PCDHGA1: variants seen among roughly 807,000 people sequenced by gnomAD.
PCDHGA1 encodes protocadherin gamma-A1.
PCDHGA1 carries 32 observed loss-of-function variants against 58.0 expected under a neutral mutation model. The ratio of observed to expected loss-of-function variants is 0.55; its 90% CI spans 0.42 to 0.74. PCDHGA1 has a LOEUF of 0.74. Among genes scored for constraint, PCDHGA1 ranks in the 30% least tolerant of loss-of-function variants. The pLI is 0.00. For synonymous variants in PCDHGA1, 498 were observed against 501.1 expected (o/e 0.99, Z 0.08); for missense variants, 1,205 against 1,182.3 (o/e 1.02, Z -0.28).
chr5:141,417,211 T>C (rs1027777607), intron 1 of PCDHGA1: 1 of 152,174 alleles, frequency 6.6e-6, no homozygotes, highest in Admixed American at 6.5e-5. Context: ...TAGGCTAGAA[T>C]TGAAGACAAA....
At chr5:141,384,677 C>A in intron 1 of PCDHGA1, 3 of 1,614,188 alleles carry the variant, frequency 1.9e-6, no homozygotes, top group Non-Finnish European at 2.5e-6. Context: ...AAGGTGGTGG[C>A]GGTGGACAAA....
At chr5:141,409,438 A>C (rs1459982502) in intron 1 of PCDHGA1, 1 of 1,613,866 alleles carries the variant, frequency 6.2e-7, no homozygotes, top group Non-Finnish European at 8.5e-7. Context: ...CCCTGGACCG[A>C]GAGCAGACAC....
chr5:141,490,476 G>A lies in PCDHGA1; in HGVS notation c.2422-4331G>A. 1 of 1,614,208 alleles carries A rather than the reference G, an allele frequency of 6.2e-7. No homozygotes were observed. The highest frequency in any genetic ancestry group is 8.5e-7 in the Non-Finnish European group (1 of 1,180,046). On this transcript the variant is annotated intron_variant, in intron 1 of 3. Transcript: ENST00000517417. The surrounding 1 kb of genome is among the most constrained non-coding windows in gnomAD (Gnocchi z 5.4). ...ACTCGCTGCTAACCAGCCAGCCTTT[G>A]GACCGGGAGGCCACATCCCACTATA...
intron 1 of PCDHGA1, among the ~76,000 whole-genome samples, chr5:141,349,076 A>G (rs1588475545): frequency 6.6e-6 from 1 of 152,036 alleles, no homozygotes; most frequent in East Asian, 1.9e-4. Context: ...TTGGCATTAT[A>G]GAGAATGTTT....
At position 141,420,090 on chromosome 5, in the gene PCDHGA1, G is replaced by A. The variant is rs779478924; in HGVS notation, c.2422-74717G>A. 4.2e-5 allele frequency: 68 copies of A among 1,613,932 alleles called. No individual in the cohort carries two copies. Among genetic ancestry groups the A allele is most frequent in the Non-Finnish European group, 5.7e-5 (67 of 1,179,886 alleles). On this transcript the variant is annotated intron_variant, in intron 1 of 3. Coordinates refer to ENST00000517417, the MANE Select transcript of PCDHGA1 (RefSeq NM_018912.3). ...GGACCTGTGGGTCCCCCCAACTACA[G>A]TGAGGGAACGTTGCCCTATGCCTAT...
rs961891623 is a variant in PCDHGA1 at position 141,487,938 on chromosome 5, GC to G, written c.2422-6868del. The G allele has an allele frequency of 2.8e-5, 17 of 600,188 alleles. No homozygotes were observed. The highest frequency in any genetic ancestry group is 4.7e-5 in the Non-Finnish European group (16 of 342,978). 37.2% of individuals were successfully genotyped at this position (600,188 alleles called of 1,614,324 possible). ...GAGGCTACAGTGCACAGGGTACAGTGCACCAGGCAGTCACTTGGACAAAGGT... is the reference window on the plus strand; with the variant it reads ...GAGGCTACAGTGCACAGGGTACAGTGACCAGGCAGTCACTTGGACAAAGGT... On this transcript the variant is annotated intron_variant, in intron 1 of 3. Coordinates refer to ENST00000517417, the MANE Select transcript of PCDHGA1 (RefSeq NM_018912.3). The surrounding 1 kb of genome is among the most constrained non-coding windows in gnomAD (Gnocchi z 5.0).
rs746838072 is a variant in PCDHGA1 at position 141,486,116 on chromosome 5, T to A, written c.2422-8691T>A. ...GCCCCTAGACTTTGAGAGTGAGAATTACTATGAATTTGATGTGCGGGCTCG... is the reference window on the plus strand; with the variant it reads ...GCCCCTAGACTTTGAGAGTGAGAATAACTATGAATTTGATGTGCGGGCTCG... On this transcript the variant is annotated intron_variant, in intron 1 of 3. Coordinates refer to ENST00000517417, the MANE Select transcript of PCDHGA1 (RefSeq NM_018912.3). This position sits in a 1 kb window ranked among gnomAD's most constrained non-coding sequence, Gnocchi z 5.0. 1.1e-5 allele frequency: 17 copies of A among 1,613,638 alleles called. No homozygotes were observed. Among genetic ancestry groups the A allele is most frequent in the Non-Finnish European group, 1.4e-5 (17 of 1,179,610 alleles).
chr5:141,494,950 A>T, intron 2 of PCDHGA1, 85 bp downstream of exon 2: 2 of 1,607,070 alleles, frequency 1.2e-6, no homozygotes, highest in African/African-American at 2.7e-5. Context: ...AGGGCCCAGC[A>T]TTTGCTACAG....
At chr5:141,408,045 A>G (rs544263424) in intron 1 of PCDHGA1, 8 of 1,236,658 alleles carry the variant, frequency 6.5e-6, no homozygotes, top group Admixed American at 3.0e-5. Flanking sequence ...CAGCTCCCAC[A>G]CAGAGCCTCC....
chr5:141,375,212 G>T (rs757227553), intron 1 of PCDHGA1: 1 of 1,613,944 alleles, frequency 6.2e-7, no homozygotes, highest in Admixed American at 1.7e-5. Flanking sequence ...TCGAGACTCT[G>T]GCCTGAATGG....
At chr5:141,466,450 G>T (rs139024933) in intron 1 of PCDHGA1, among the ~76,000 whole-genome samples, 1 of 152,172 alleles carries the variant, frequency 6.6e-6, no homozygotes, top group Non-Finnish European at 1.5e-5. Context: ...TGTCTATGGT[G>T]TTGGCTATTG....
rs1415575210 is a variant in PCDHGA1 at position 141,332,026 on chromosome 5, A to G, written c.1342A>G (p.Asn448Asp). The part of the protein sequence containing the change: ...ISLLVTDIND[N>D]SPVFHQDSYS... ...ACTACTAGTGACAGATATCAATGACAACTCCCCAGTCTTCCATCAGGACTC... is the reference window on the plus strand; with the variant it reads ...ACTACTAGTGACAGATATCAATGACGACTCCCCAGTCTTCCATCAGGACTC... The change falls in exon 1 of 4, where the codon AAC (asparagine) becomes GAC (aspartate). Residue 448 changes from asparagine (N) to aspartate (D), a missense_variant. Asn to Asp is a conservative substitution (Grantham distance 23). Transcript: ENST00000517417. This position sits in a 1 kb window ranked among gnomAD's most constrained non-coding sequence, Gnocchi z 4.6. The G allele has an allele frequency of 6.2e-7, 1 of 1,613,974 alleles. No individual in the cohort carries two copies. Among genetic ancestry groups the G allele is most frequent in the Non-Finnish European group, 8.5e-7 (1 of 1,180,022 alleles).
chr5:141,355,887 C>G, intron 1 of PCDHGA1: 1 of 1,613,492 alleles, frequency 6.2e-7, no homozygotes, highest in South Asian at 1.1e-5. Context: ...CCAGGATTCT[C>G]ATAATACTTG....
At chr5:141,357,029 A>G (rs1217992138) in intron 1 of PCDHGA1, 1 of 1,614,042 alleles carries the variant, frequency 6.2e-7, no homozygotes, top group South Asian at 1.1e-5. Context: ...AGCCTACTCA[A>G]GTCCAGCGAG....
intron 1 of PCDHGA1, chr5:141,387,564 A>G: frequency 4.5e-6 from 2 of 442,524 alleles, no homozygotes; most frequent in Non-Finnish European, 8.0e-6. Context: ...TAGGCACACA[A>G]TTATAATTAT....
intron 1 of PCDHGA1, chr5:141,366,496 A>T (rs1346215388): frequency 6.2e-7 from 1 of 1,614,218 alleles, no homozygotes; most frequent in East Asian, 2.2e-5. Context: ...GGCACAAGTC[A>T]CGCCTGCTTC....
chr5:141,505,694 G>A, intron 3 of PCDHGA1, among the ~76,000 whole-genome samples: 1 of 152,208 alleles, frequency 6.6e-6, no homozygotes, highest in East Asian at 1.9e-4. Flanking sequence ...GCCTGGAGGA[G>A]AGCGAACAAG....
intron 3 of PCDHGA1, among the ~76,000 whole-genome samples, chr5:141,506,833 C>A (rs1462038297): frequency 1.3e-5 from 2 of 152,092 alleles, no homozygotes; most frequent in African/African-American, 4.8e-5. Context: ...AACTGATAGC[C>A]CTGCCCTCCA....
Position 141,490,965 on chromosome 5 carries a change from C to G in PCDHGA1, c.2422-3842C>G. On this transcript the variant is annotated intron_variant, in intron 1 of 3. Coordinates refer to ENST00000517417, the MANE Select transcript of PCDHGA1 (RefSeq NM_018912.3). This position sits in a 1 kb window ranked among gnomAD's most constrained non-coding sequence, Gnocchi z 5.4. ...CACGGCCAGACTGGGAACACTCAGC[C>G]CCCCAGCGTCTCCCTCGCTCTGCTC... is the stretch of plus-strand genomic sequence containing the variant. 5 of 1,613,856 alleles carry G rather than the reference C, an allele frequency of 3.1e-6. No homozygotes were observed. The highest frequency in any genetic ancestry group is 3.3e-4 in the Middle Eastern group (2 of 6,062).
Sources: gnomAD v4.1 joint callset for allele counts (sites outside exome capture counted in the v4.1 genomes callset) on GRCh38, gnomAD v4.1.1 for gene constraint, Gnocchi (gnomAD v3.1) non-coding constraint, MANE v1.5 for transcripts, NCBI Gene and HGNC (gene_info 2026-07-23, HGNC 2026-07-21) for gene names.